The following DNAJC6 variants were observed in gnomAD, a reference collection of about 807,000 sequenced individuals.
DNAJC6 encodes the protein DnaJ heat shock protein family (Hsp40) member C6, also known as auxilin.
A neutral mutation model predicts 110.0 loss-of-function variants in DNAJC6; 34 were observed. The observed-to-expected ratio is 0.31, with a 90% CI of 0.24 to 0.41. DNAJC6 has a LOEUF of 0.41. Ranked by LOEUF, DNAJC6 falls within the 10% of genes least tolerant of loss-of-function variation. DNAJC6 has a pLI of 1.00. For missense variants in DNAJC6, 1,031 were observed against 1,207.8 expected (o/e 0.85, Z 2.17); for synonymous variants, 406 against 437.2 (o/e 0.93, Z 0.89).
At chr1:65,355,666 C>T (rs1645536239) in intron 1 of DNAJC6, among the ~76,000 whole-genome samples, 1 of 152,148 alleles carries the variant, frequency 6.6e-6, no homozygotes, top group East Asian at 1.9e-4. Flanking sequence ...AATAAGTCCT[C>T]CTACCAGGCA....
intron 1 of DNAJC6, among the ~76,000 whole-genome samples, chr1:65,342,508 T>C (rs551001963): frequency 6.1e-4 from 93 of 152,316 alleles, no homozygotes; most frequent in Admixed American, 1.2e-3. Flanking sequence ...ACCTTGATCT[T>C]GGACTTTCTC....
intron 4 of DNAJC6, among the ~76,000 whole-genome samples, chr1:65,377,221 T>C (rs1645775332): frequency 6.6e-6 from 1 of 152,210 alleles, no homozygotes; most frequent in Non-Finnish European, 1.5e-5. Context: ...AACCTGGGTT[T>C]TAAAAGATGA....
chr1:65,269,224 C>G (rs565284651), intron 1 of DNAJC6, among the ~76,000 whole-genome samples: 1 of 151,860 alleles, frequency 6.6e-6, no homozygotes, highest in Non-Finnish European at 1.5e-5. Context: ...AGAAATGAGC[C>G]GGGCATGGTG....
intron 1 of DNAJC6, among the ~76,000 whole-genome samples, chr1:65,267,160 G>C (rs1232291261): frequency 2.0e-5 from 3 of 152,140 alleles, no homozygotes; most frequent in Non-Finnish European, 4.4e-5. Context: ...GCCTCCCAAA[G>C]TGCTGGAGTT....
At chr1:65,301,814 G>T (rs369431578) in intron 1 of DNAJC6, among the ~76,000 whole-genome samples, 21 of 151,932 alleles carry the variant, frequency 1.4e-4, no homozygotes, top group African/African-American at 4.3e-4. Context: ...AAAAGTATAT[G>T]ATCTAAACCC....
chr1:65,311,585 A>C (rs572155195), intron 1 of DNAJC6, among the ~76,000 whole-genome samples: 1 of 152,144 alleles, frequency 6.6e-6, no homozygotes, highest in Non-Finnish European at 1.5e-5. Flanking sequence ...AATCTGTGAT[A>C]TATCAAAGTG....
Position 65,380,668 on chromosome 1 carries a change from T to C in DNAJC6, c.666+1144T>C, listed in dbSNP as rs1409813423. ...TTGCTGTAAGTTCAGAGAGCCTACA[T>C]CTGACAACTTGATGGAGGAAAGATG... On this transcript the variant is annotated intron_variant, in intron 5 of 18. Transcript: ENST00000371069. 2.6e-5 allele frequency among the ~76,000 whole-genome samples: 4 copies of C among 152,182 alleles called. No individual in the cohort carries two copies. The East Asian group carries it at 7.7e-4, about 29-fold the overall frequency.
chr1:65,388,081 G>A (rs1645889392), intron 8 of DNAJC6, among the ~76,000 whole-genome samples: 1 of 152,224 alleles, frequency 6.6e-6, no homozygotes, highest in African/African-American at 2.4e-5. Context: ...AATGCAATGA[G>A]TCGAAGTATG....
intron 1 of DNAJC6, among the ~76,000 whole-genome samples, chr1:65,339,893 A>G (rs933096578): frequency 9.9e-5 from 15 of 152,220 alleles, no homozygotes; most frequent in Non-Finnish European, 2.9e-5. Context: ...CAATGTCACC[A>G]TTAGTGGCAG....
At chr1:65,266,317 G>T (rs1212628024) in intron 1 of DNAJC6, among the ~76,000 whole-genome samples, 1 of 151,758 alleles carries the variant, frequency 6.6e-6, no homozygotes, top group Non-Finnish European at 1.5e-5. Flanking sequence ...CCAATGGAGA[G>T]AATGGTATTT....
chr1:65,413,152 T>G lies in DNAJC6; in HGVS notation c.*127T>G, dbSNP rs1373074115. 1.4e-6 allele frequency: 1 copy of G among 702,886 alleles called. No individual in the cohort carries two copies. The allele number at this position is 702,886 out of a possible 1,614,324, so 43.5% of individuals were successfully genotyped here. A position where few individuals can be genotyped will look rare whatever the true frequency, so the allele number is the denominator to read the frequency against. On this transcript the variant is annotated 3_prime_UTR_variant, in exon 19 of 19. Transcript: ENST00000371069. Reference sequence around the variant, plus strand: ...TTTCAGTACTAAACCGTTAAGTTACTCATGAATTAATTTCTCATTGATAAG... The same window carrying G: ...TTTCAGTACTAAACCGTTAAGTTACGCATGAATTAATTTCTCATTGATAAG...
intron 5 of DNAJC6, among the ~76,000 whole-genome samples, chr1:65,382,486 AT>A (rs1304569726): frequency 6.6e-6 from 1 of 152,224 alleles, no homozygotes; most frequent in African/African-American, 2.4e-5. Flanking sequence ...CACATAGTGA[AT>A]TTGGATTTTA....
chr1:65,377,266 G>A (rs538956048), intron 4 of DNAJC6, among the ~76,000 whole-genome samples: 1 of 152,236 alleles, frequency 6.6e-6, no homozygotes, highest in Non-Finnish European at 1.5e-5. Context: ...ATACATTGCA[G>A]ACAGAAAGGA....
intron 1 of DNAJC6, among the ~76,000 whole-genome samples, chr1:65,284,142 T>C (rs1215976978): frequency 6.6e-6 from 1 of 152,194 alleles, no homozygotes; most frequent in African/African-American, 2.4e-5. Flanking sequence ...AGGCCTCTGA[T>C]GTTACAGCTC....
chr1:65,386,113 A>T (rs1406646823), intron 7 of DNAJC6, among the ~76,000 whole-genome samples: 2 of 152,214 alleles, frequency 1.3e-5, no homozygotes, highest in African/African-American at 4.8e-5. Context: ...ACCATGATAT[A>T]GGCTAAGGGA....
chr1:65,268,428 A>G (rs1434061977), intron 1 of DNAJC6, among the ~76,000 whole-genome samples: 1 of 152,260 alleles, frequency 6.6e-6, no homozygotes, highest in African/African-American at 2.4e-5. Context: ...CATGACAGCT[A>G]ATTATAACAA....
Position 65,392,594 on chromosome 1 carries a change from G to A in DNAJC6, c.1632G>A (p.Glu544=), listed in dbSNP as rs749160546. ...GVKKPSKKQQ[E]PAAPPPPEDV... ...AGAAGCCCAGCAAAAAGCAGCAGGA[G>A]CCAGCAGCCCCTCCACCCCCTGAGG... Residue 544 remains glutamate (E), a synonymous_variant, in exon 12 of 19, where the codon GAG becomes GAA. Transcript: ENST00000371069. 4.3e-6 allele frequency: 7 copies of A among 1,613,984 alleles called. No individual in the cohort carries two copies. The highest frequency in any genetic ancestry group is 5.9e-6 in the Non-Finnish European group (7 of 1,180,010).
chr1:65,289,148 T>G (rs1654114401), intron 1 of DNAJC6, among the ~76,000 whole-genome samples: 1 of 152,208 alleles, frequency 6.6e-6, no homozygotes, highest in Admixed American at 6.5e-5. Context: ...GGTGTGAGAT[T>G]TCTAGTTATT....
chr1:65,308,398 T>C (rs986550955), upstream of DNAJC6, among the ~76,000 whole-genome samples: 4 of 152,224 alleles, frequency 2.6e-5, no homozygotes, highest in Non-Finnish European at 4.4e-5. Context: ...CAAGACTTAC[T>C]TGATCTTGAC....
Sources: gnomAD v4.1 joint callset for allele counts (sites outside exome capture counted in the v4.1 genomes callset) on GRCh38, gnomAD v4.1.1 for gene constraint, MANE v1.5 for transcripts, NCBI Gene and HGNC (gene_info 2026-07-23, HGNC 2026-07-21) for gene names.